The following HBP1 variants were observed in gnomAD, a reference collection of about 807,000 sequenced individuals.
HBP1 encodes HMG-box transcription factor 1, also known as HMG box-containing protein 1.
HBP1 carries 20 observed loss-of-function variants against 62.6 expected under a neutral mutation model. The observed-to-expected ratio is 0.32, with a 90% CI of 0.22 to 0.46. The LOEUF is 0.46. HBP1 is among the 20% of genes least tolerant of loss of function. The pLI is 1.00. For missense variants in HBP1, 480 were observed against 611.8 expected, an observed-to-expected ratio of 0.78 and a Z score of 2.27; for synonymous variants, 232 against 206.2, an observed-to-expected ratio of 1.12 and a Z score of -1.07.
chr7:107,186,160 TTTTTTC>T (rs1276022932), intron 4 of HBP1, among the ~76,000 whole-genome samples, 195 bp from the exon 5 acceptor site: 9 of 146,906 alleles, frequency 6.1e-5, no homozygotes, highest in East Asian at 1.9e-4. Context: ...TTTTTTCTTT[TTTTTTC>T]TTTTTTTTTT....
intron 9 of HBP1, among the ~76,000 whole-genome samples, chr7:107,199,931 A>T (rs1037953877): frequency 1.3e-5 from 2 of 152,264 alleles, no homozygotes; most frequent in Non-Finnish European, 2.9e-5. Context: ...CAAATAGATT[A>T]GCTTTTAGTA....
At chr7:107,183,257 A>G (rs978495064) in intron 3 of HBP1, among the ~76,000 whole-genome samples, 5 of 152,222 alleles carry the variant, frequency 3.3e-5, no homozygotes, top group African/African-American at 1.2e-4. Context: ...AGGGAGAGAA[A>G]TGCCCATATT....
At chr7:107,176,678 C>T (rs145136607) in intron 1 of HBP1, among the ~76,000 whole-genome samples, 6 of 148,182 alleles carry the variant, frequency 4.0e-5, no homozygotes, top group African/African-American at 1.5e-4. Context: ...TAGAGAATCA[C>T]TGATGAAATT....
At chr7:107,199,747 T>A (rs1215883603) in intron 9 of HBP1, among the ~76,000 whole-genome samples, 1 of 152,184 alleles carries the variant, frequency 6.6e-6, no homozygotes, top group Non-Finnish European at 1.5e-5. Context: ...TCAGTTTAAC[T>A]TCTTAGCATT....
intron 1 of HBP1, chr7:107,174,377 G>A: frequency 1.6e-6 from 1 of 639,842 alleles, no homozygotes. Context: ...ATATTTATTT[G>A]GTTCTTTTGG....
chr7:107,171,073 A>ATATATATATATTTT lies in HBP1; in HGVS notation c.-16+1889_-16+1890insATATATATATTTTT. On this transcript the variant is annotated intron_variant, in intron 1 of 10. Transcript: ENST00000222574. ...TATATATATATATATATATATATAT[A>ATATATATATATTTT]TTTTTTTTTTTTTTTGAGAGGGAGT... Among the ~76,000 whole-genome samples, 5 of 87,194 alleles carry ATATATATATATTTT rather than the reference A, an allele frequency of 5.7e-5. 1 individual carries two copies. Among genetic ancestry groups the ATATATATATATTTT allele is most frequent in the African/African-American group, 2.7e-4 (4 of 15,086 alleles). The allele number at this position is 87,194 out of a possible 152,430, so 57.2% of individuals were successfully genotyped here.
chr7:107,201,191 T>C (rs1397998809), intron 10 of HBP1: 4 of 399,238 alleles, frequency 1.0e-5, no homozygotes, highest in African/African-American at 2.1e-5. Flanking sequence ...TTCGGACTTT[T>C]CCTGTATCCC....
At chr7:107,197,052 T>G (rs1797941815) in intron 9 of HBP1, 2 of 152,170 alleles carry the variant, frequency 1.3e-5, no homozygotes, top group African/African-American at 2.4e-5. Flanking sequence ...CTGCCAGAGT[T>G]GTCAAAACGG....
At chr7:107,189,576 C>G in intron 7 of HBP1, 128 bp downstream of exon 7, 2 of 657,376 alleles carry the variant, frequency 3.0e-6, no homozygotes, top group Non-Finnish European at 5.2e-6. Flanking sequence ...AAATAAAAAA[C>G]TACCATAGGG....
At chr7:107,175,462 T>C (rs1796790790) in intron 1 of HBP1, among the ~76,000 whole-genome samples, 1 of 152,320 alleles carries the variant, frequency 6.6e-6, no homozygotes, top group African/African-American at 2.4e-5. Flanking sequence ...GGCAGCCTGA[T>C]TTCAGAGCCC....
intron 8 of HBP1, chr7:107,192,811 A>G (rs1163732281): frequency 1.3e-5 from 2 of 152,190 alleles, no homozygotes; most frequent in South Asian, 2.1e-4. Context: ...CCACCCTGCA[A>G]AGGAGTGGAA....
chr7:107,171,315 C>G (rs1481065129), intron 1 of HBP1, among the ~76,000 whole-genome samples: 1 of 151,148 alleles, frequency 6.6e-6, no homozygotes, highest in African/African-American at 2.4e-5. Flanking sequence ...CGTGATCTGC[C>G]CGCCTCGGCC....
At chr7:107,174,381 C>T (rs1452409854) in intron 1 of HBP1, 1 of 701,474 alleles carries the variant, frequency 1.4e-6, no homozygotes, top group Non-Finnish European at 1.8e-6. Flanking sequence ...TTATTTGGTT[C>T]TTTTGGTTAT....
intron 1 of HBP1, among the ~76,000 whole-genome samples, chr7:107,179,277 G>A (rs182028771): frequency 1.3e-5 from 2 of 152,132 alleles, no homozygotes; most frequent in Non-Finnish European, 1.5e-5. Context: ...TGAAAGGACG[G>A]TTACTAGGTT....
intron 1 of HBP1, among the ~76,000 whole-genome samples, chr7:107,179,095 CAAAAT>C (rs777709481): frequency 6.6e-6 from 1 of 151,630 alleles, no homozygotes; most frequent in Non-Finnish European, 1.5e-5. Flanking sequence ...AATGAAGAAA[CAAAAT>C]AAAAAACACA....
chr7:107,192,523 A>G (rs908867679), intron 8 of HBP1: 4 of 152,170 alleles, frequency 2.6e-5, no homozygotes. Flanking sequence ...CAAATATGGA[A>G]CTTAGTGATA....
chr7:107,193,836 C>T (rs1312007675), intron 8 of HBP1, among the ~76,000 whole-genome samples: 1 of 152,016 alleles, frequency 6.6e-6, no homozygotes, highest in Non-Finnish European at 1.5e-5. Context: ...GCTATGGAAG[C>T]TTGAGTAAAT....
At chr7:107,182,923 G>A (rs980406356) in intron 3 of HBP1, among the ~76,000 whole-genome samples, 37 of 152,140 alleles carry the variant, frequency 2.4e-4, no homozygotes, top group Non-Finnish European at 4.4e-4. Flanking sequence ...AAGCAGAGTT[G>A]TAATCAAGAT....
chr7:107,200,097 C>A, intron 9 of HBP1, 63 bp from the exon 10 acceptor site: 1 of 1,295,038 alleles, frequency 7.7e-7, no homozygotes. Context: ...GAAGTAGCAG[C>A]ACTTGACATG....
Sources: gnomAD v4.1 joint callset for allele counts (sites outside exome capture counted in the v4.1 genomes callset) on GRCh38, gnomAD v4.1.1 for gene constraint, MANE v1.5 for transcripts, NCBI Gene and HGNC (gene_info 2026-07-23, HGNC 2026-07-21) for gene names.